NMBR: variants seen among roughly 807,000 people sequenced by gnomAD.
NMBR encodes the protein neuromedin-B receptor.
NMBR carries 16 observed loss-of-function variants against 20.5 expected under a neutral mutation model. The observed-to-expected ratio is 0.78, with a 90% CI of 0.53 to 1.19. NMBR has a LOEUF of 1.19. Among genes scored for constraint, NMBR ranks in the 50% most tolerant of loss-of-function variants. The probability of loss-of-function intolerance (pLI) is 0.00; values close to 1 mark genes in which losing one functional copy is unlikely to be tolerated. For missense variants in NMBR, 582 were observed against 499.1 expected, an observed-to-expected ratio of 1.17 and a Z score of -1.58; for synonymous variants, 212 against 196.6, an observed-to-expected ratio of 1.08 and a Z score of -0.65.
rs1451138486 is a variant in NMBR, at chr6:142,088,939, T to A, written c.-281A>T. 1 of 362,480 alleles carries A rather than the reference T, an allele frequency of 2.8e-6. No homozygotes were observed. The highest frequency in any genetic ancestry group is 5.0e-6 in the Non-Finnish European group (1 of 198,184). 22.5% of individuals were successfully genotyped at this position (362,480 alleles called of 1,614,324 possible). On this transcript the variant is annotated 5_prime_UTR_variant, in exon 2 of 4. Transcript: ENST00000258042. ...AAAAGCAAAGCGGTTGCGTCTTTGT[T>A]CCGTATTCAGTGGTTTGTTCTCGCG... is the stretch of plus-strand genomic sequence containing the variant.
chr6:142,145,809 A>G (rs1327111430), intron 1 of NMBR, among the ~76,000 whole-genome samples: 1 of 152,230 alleles, frequency 6.6e-6, no homozygotes, highest in Non-Finnish European at 1.5e-5. Flanking sequence ...AAATTACATG[A>G]GGACCTTTTA....
chr6:142,094,776 A>T (rs1217353078), intron 1 of NMBR, among the ~76,000 whole-genome samples: 1 of 152,086 alleles, frequency 6.6e-6, no homozygotes, highest in Non-Finnish European at 1.5e-5. Flanking sequence ...GATTCTTCCT[A>T]CCCATGAGCA....
chr6:142,142,268 A>T (rs112401795), intron 1 of NMBR, among the ~76,000 whole-genome samples: 122 of 152,362 alleles, frequency 8.0e-4, no homozygotes, highest in African/African-American at 2.8e-3. Flanking sequence ...TGTTTAAGGA[A>T]GAAATAATAC....
chr6:142,082,727 T>C (rs1323108790), intron 2 of NMBR, among the ~76,000 whole-genome samples: 1 of 152,200 alleles, frequency 6.6e-6, no homozygotes, highest in African/African-American at 2.4e-5. Context: ...GAATGGATAG[T>C]ATCCAGAATC....
At chr6:142,133,339 G>T in intron 1 of NMBR, 1 of 409,038 alleles carries the variant, frequency 2.4e-6, no homozygotes, top group Non-Finnish European at 4.3e-6. Context: ...AAAATATTCT[G>T]AATTTAAAAC....
At chr6:142,120,172 C>G (rs1582855996) in intron 1 of NMBR, among the ~76,000 whole-genome samples, 1 of 151,826 alleles carries the variant, frequency 6.6e-6, no homozygotes, top group South Asian at 2.1e-4. Context: ...ATAATCTCTC[C>G]TGCCCTAAAC....
intron 1 of NMBR, among the ~76,000 whole-genome samples, chr6:142,118,571 A>G (rs1777891072): frequency 6.6e-6 from 1 of 152,032 alleles, no homozygotes. Context: ...CACTTTCTCT[A>G]TAACCTTTCT....
intron 1 of NMBR, among the ~76,000 whole-genome samples, chr6:142,093,969 T>C (rs889069385): frequency 7.0e-6 from 1 of 141,894 alleles, no homozygotes; most frequent in Non-Finnish European, 1.5e-5. Flanking sequence ...AAGTGTCTGT[T>C]CATATCCTTC....
intron 1 of NMBR, among the ~76,000 whole-genome samples, chr6:142,131,328 C>T (rs763774174): frequency 2.0e-5 from 3 of 152,196 alleles, no homozygotes; most frequent in Non-Finnish European, 4.4e-5. Context: ...TACACCCACA[C>T]CTCTGCAATG....
chr6:142,134,518 G>T, intron 1 of NMBR: 2 of 485,300 alleles, frequency 4.1e-6, no homozygotes, highest in South Asian at 8.4e-5. Context: ...AGATATTTCT[G>T]ACATACTTTA....
chr6:142,122,974 G>A (rs1777971320), intron 1 of NMBR, among the ~76,000 whole-genome samples: 1 of 151,900 alleles, frequency 6.6e-6, no homozygotes, highest in African/African-American at 2.4e-5. Context: ...ATGGGAAAAG[G>A]AGTAATTTCA....
chr6:142,076,905 T>C (rs549783948), intron 3 of NMBR, among the ~76,000 whole-genome samples: 6 of 152,302 alleles, frequency 3.9e-5, no homozygotes, highest in Non-Finnish European at 5.9e-5. Context: ...TCAACTAGAA[T>C]ATTCCAAAGA....
At chr6:142,096,117 T>C (rs1777446682) in intron 1 of NMBR, among the ~76,000 whole-genome samples, 1 of 152,082 alleles carries the variant, frequency 6.6e-6, no homozygotes, top group African/African-American at 2.4e-5. Context: ...CTGGATTCAT[T>C]GATTTTTTGA....
chr6:142,101,484 T>C (rs1777563734), intron 1 of NMBR, among the ~76,000 whole-genome samples: 1 of 152,108 alleles, frequency 6.6e-6, no homozygotes, highest in South Asian at 2.1e-4. Context: ...TTTTTTAAGG[T>C]TAGAACAAGG....
chr6:142,078,961 G>A lies in NMBR; in HGVS notation c.423-58C>T, dbSNP rs1582834033. 7 of 1,104,044 alleles carry A rather than the reference G, an allele frequency of 6.3e-6. No homozygotes were observed. In the East Asian group the frequency reaches 8.7e-5, roughly 14 times the overall value. The allele number at this position is 1,104,044 out of a possible 1,614,324, so 68.4% of individuals were successfully genotyped here. On this transcript the variant is annotated intron_variant, in intron 2 of 3. Coordinates refer to ENST00000258042, the MANE Select transcript of NMBR (RefSeq NM_002511.4). Reference sequence around the variant, plus strand: ...AAAGAAAGGAAAGAAAAAAGAGAAAGAAAAGAAAGAAAGAAAAAGAAAGGA... The same window carrying A: ...AAAGAAAGGAAAGAAAAAAGAGAAAAAAAAGAAAGAAAGAAAAAGAAAGGA...
At chr6:142,113,988 C>T (rs1317087219) in intron 1 of NMBR, among the ~76,000 whole-genome samples, 1 of 152,138 alleles carries the variant, frequency 6.6e-6, no homozygotes, top group Non-Finnish European at 1.5e-5. Context: ...CCAATTCCCC[C>T]TACGTGGCAT....
chr6:142,098,474 G>A (rs1390741226), intron 1 of NMBR, among the ~76,000 whole-genome samples: 1 of 152,098 alleles, frequency 6.6e-6, no homozygotes, highest in African/African-American at 2.4e-5. Context: ...AAGTAACCAT[G>A]GAGAGGTTGC....
intron 1 of NMBR, among the ~76,000 whole-genome samples, chr6:142,123,700 G>T (rs765018328): frequency 6.6e-6 from 1 of 151,870 alleles, no homozygotes; most frequent in Non-Finnish European, 1.5e-5. Flanking sequence ...ACTCCCTAAA[G>T]GCTGGGGTGA....
chr6:142,146,627 C>T (rs1427945395), intron 1 of NMBR, among the ~76,000 whole-genome samples: 1 of 152,054 alleles, frequency 6.6e-6, no homozygotes, highest in Non-Finnish European at 1.5e-5. Flanking sequence ...AAAAGGTGAT[C>T]TACAGATTAT....
Sources: allele counts gnomAD v4.1 joint callset (sites outside exome capture counted in the v4.1 genomes callset), GRCh38; gene constraint gnomAD v4.1.1; transcripts MANE v1.5; gene names NCBI Gene and HGNC (gene_info 2026-07-23, HGNC 2026-07-21).